Variants in CSMD1 observed in about 807,000 individuals in gnomAD.
CSMD1 encodes CUB and Sushi multiple domains 1, also known as CUB and sushi domain-containing protein 1.
Under a neutral mutation model 417.5 loss-of-function variants are expected in CSMD1, and 213 were observed. That is an observed-to-expected ratio of 0.51 (90% CI 0.46 to 0.57). The LOEUF is 0.57. CSMD1 is among the 20% of genes least tolerant of loss of function. The pLI is 0.00. For missense variants in CSMD1, 6,923 were observed against 4,529.7 expected, an observed-to-expected ratio of 1.53 and a Z score of -15.17; for synonymous variants, 2,862 against 1,736.8, an observed-to-expected ratio of 1.65 and a Z score of -16.11.
At chr8:3,743,076 C>A (rs181015099) in intron 6 of CSMD1, among the ~76,000 whole-genome samples, 2 of 152,296 alleles carry the variant, frequency 1.3e-5, no homozygotes, top group Admixed American at 1.3e-4. Flanking sequence ...CTGTGCTTAG[C>A]TCCATCTCAC....
chr8:3,288,693 CTTCTTT>C (rs1803331326), intron 25 of CSMD1, among the ~76,000 whole-genome samples: 1 of 146,578 alleles, frequency 6.8e-6, no homozygotes, highest in African/African-American at 2.7e-5. Context: ...TCTCTCTTTT[CTTCTTT>C]ATTTTTCTTG....
chr8:3,192,412 A>G (rs1282178256), intron 33 of CSMD1, among the ~76,000 whole-genome samples: 1 of 152,230 alleles, frequency 6.6e-6, no homozygotes, highest in Admixed American at 6.5e-5. Flanking sequence ...TGTCTAATAC[A>G]TGCTTTATAC....
intron 5 of CSMD1, among the ~76,000 whole-genome samples, chr8:3,921,772 T>C (rs894712289): frequency 6.6e-6 from 1 of 152,202 alleles, no homozygotes; most frequent in Non-Finnish European, 1.5e-5. Flanking sequence ...CAATCTTCTT[T>C]GATTTGTTAA....
intron 6 of CSMD1, among the ~76,000 whole-genome samples, chr8:3,727,867 GA>G (rs1252356098): frequency 6.6e-6 from 1 of 152,120 alleles, no homozygotes; most frequent in Admixed American, 6.5e-5. Context: ...GTCACAAAAG[GA>G]CAAATACTGT....
chr8:4,811,857 C>G (rs551800277), intron 1 of CSMD1, among the ~76,000 whole-genome samples: 4 of 152,070 alleles, frequency 2.6e-5, no homozygotes, highest in African/African-American at 9.6e-5. Flanking sequence ...ACAGTGAAAT[C>G]AGTGCCACAG....
intron 7 of CSMD1, among the ~76,000 whole-genome samples, chr8:3,623,963 C>A (rs1280651479): frequency 6.6e-5 from 10 of 151,168 alleles, no homozygotes; most frequent in African/African-American, 2.4e-4. Flanking sequence ...GGTGACAGAA[C>A]AAAACTCCAC....
chr8:3,946,033 A>C (rs59348947), intron 5 of CSMD1, among the ~76,000 whole-genome samples: 15,689 of 152,180 alleles, frequency 0.1, 901 homozygotes, highest in East Asian at 0.22. Context: ...TCTACGATGT[A>C]GGCGCTACTT....
intron 1 of CSMD1, among the ~76,000 whole-genome samples, chr8:4,837,231 T>C (rs1375785559): frequency 6.6e-6 from 1 of 152,160 alleles, no homozygotes; most frequent in African/African-American, 2.4e-5. Context: ...AAAGCTATCA[T>C]ATCATCTAGT....
chr8:3,783,340 C>T (rs1244952417), intron 5 of CSMD1, among the ~76,000 whole-genome samples: 1 of 152,218 alleles, frequency 6.6e-6, no homozygotes, highest in Non-Finnish European at 1.5e-5. Flanking sequence ...TTTTTCAAGT[C>T]CGTACAACTC....
chr8:4,798,456 G>A lies in CSMD1; in HGVS notation c.86-160898C>T, dbSNP rs145738529. Among the ~76,000 whole-genome samples the A allele has an allele frequency of 4.8e-3, 728 of 152,200 alleles. 1 individual carries two copies. The highest frequency in any genetic ancestry group is 0.016 in the African/African-American group (667 of 41,522). On this transcript the variant is annotated intron_variant, in intron 1 of 69. Transcript: ENST00000635120. ...ATTTTTAAAAAGGAGATGAGATTTT[G>A]CAATATATAAAATGTCTATTAAAAA...
chr8:4,331,293 A>G (rs1875896), intron 3 of CSMD1, among the ~76,000 whole-genome samples: 7,624 of 152,158 alleles, frequency 0.05, 631 homozygotes, highest in African/African-American at 0.17. Flanking sequence ...TGAATGGCAG[A>G]AGCATCATGC....
intron 1 of CSMD1, among the ~76,000 whole-genome samples, chr8:4,752,932 C>T (rs1227966861): frequency 6.6e-6 from 1 of 152,056 alleles, no homozygotes; most frequent in Non-Finnish European, 1.5e-5. Flanking sequence ...TTCCCAGTGG[C>T]GTGATGATGC....
intron 2 of CSMD1, among the ~76,000 whole-genome samples, chr8:4,576,851 C>T (rs528890050): frequency 1.3e-5 from 2 of 152,028 alleles, no homozygotes; most frequent in African/African-American, 4.8e-5. Flanking sequence ...ATGTACATTT[C>T]CACAAATGCT....
Position 3,466,770 on chromosome 8 carries a change from T to A in CSMD1, c.1561+1942A>T, listed in dbSNP as rs180720974. 2.0e-3 allele frequency among the ~76,000 whole-genome samples: 306 copies of A among 152,134 alleles called. 2 individuals are homozygous for A. The highest frequency in any genetic ancestry group is 6.9e-3 in the African/African-American group (286 of 41,500). On this transcript the variant is annotated intron_variant, in intron 12 of 69. Coordinates refer to ENST00000635120, the MANE Select transcript of CSMD1 (RefSeq NM_033225.6). The stretch of plus-strand genomic sequence containing the variant: ...AATTTATGAATAACTTTGCTTTGAG[T>A]CAAATAATATAAAATTATGTATACG...
chr8:4,070,515 G>A (rs978116878), intron 3 of CSMD1, among the ~76,000 whole-genome samples: 25 of 152,008 alleles, frequency 1.6e-4, no homozygotes, highest in Non-Finnish European at 2.6e-4. Flanking sequence ...CCGCCACCAC[G>A]GCCGGCTATT....
At chr8:3,562,410 A>G (rs780660960) in intron 10 of CSMD1, among the ~76,000 whole-genome samples, 1 of 129,996 alleles carries the variant, frequency 7.7e-6, no homozygotes, top group Non-Finnish European at 1.7e-5. Context: ...ATACACACAC[A>G]TGCACAAACA....
chr8:4,157,842 G>A lies in CSMD1; in HGVS notation c.416-125743C>T, dbSNP rs151223258. On this transcript the variant is annotated intron_variant, in intron 3 of 69. Transcript: ENST00000635120. ...AGTCAGTCTCCTATCCTCCCCACAG[G>A]AAAACAGGATGCTGAAGTTGGGCTT... Among the ~76,000 whole-genome samples the A allele has an allele frequency of 3.9e-5, 6 of 152,248 alleles. No homozygotes were observed. The East Asian group carries it at 9.7e-4, about 25-fold the overall frequency.
At chr8:4,664,225 T>C (rs1409855794) in intron 1 of CSMD1, among the ~76,000 whole-genome samples, 1 of 152,174 alleles carries the variant, frequency 6.6e-6, no homozygotes, top group Non-Finnish European at 1.5e-5. Context: ...TTGGGGACAT[T>C]TAAGAAACAC....
intron 3 of CSMD1, among the ~76,000 whole-genome samples, chr8:4,043,674 A>G (rs1368298622): frequency 6.6e-6 from 1 of 152,196 alleles, no homozygotes; most frequent in Non-Finnish European, 1.5e-5. Flanking sequence ...GTGAAACCAT[A>G]CATTTATTTC....
Sources: gnomAD v4.1 joint callset for allele counts (sites outside exome capture counted in the v4.1 genomes callset) on GRCh38, gnomAD v4.1.1 for gene constraint, MANE v1.5 for transcripts, NCBI Gene and HGNC (gene_info 2026-07-23, HGNC 2026-07-21) for gene names.